The following NLGN4X variants were observed in gnomAD, a reference collection of about 807,000 sequenced individuals.
NLGN4X encodes neuroligin-4, X-linked.
NLGN4X carries 3 observed loss-of-function variants against 40.3 expected under a neutral mutation model. That is an observed-to-expected ratio of 0.07 (90% CI 0.03 to 0.19). NLGN4X has a LOEUF of 0.19. Ranked by LOEUF, NLGN4X falls within the 10% of genes least tolerant of loss-of-function variation. NLGN4X has a pLI of 1.00. For missense variants in NLGN4X, 382 were observed against 708.3 expected (o/e 0.54, Z 5.23); for synonymous variants, 270 against 306.8 (o/e 0.88, Z 1.25).
chrX:6,185,492 G>T (rs143474273), intron 1 of NLGN4X, among the ~76,000 whole-genome samples: 5 of 111,525 alleles, frequency 4.5e-5, no homozygotes, highest in African/African-American at 1.6e-4. Context: ...ACATGCCAGC[G>T]AAAGACAAAA....
chrX:5,909,538 T>C (rs749552820), intron 3 of NLGN4X, among the ~76,000 whole-genome samples: 1 of 110,492 alleles, frequency 9.1e-6, no homozygotes, highest in Admixed American at 9.7e-5. Flanking sequence ...GAAGACGTCG[T>C]AAATTTTACT....
intron 2 of NLGN4X, among the ~76,000 whole-genome samples, chrX:6,058,311 G>A (rs1472281936): frequency 1.8e-5 from 2 of 111,484 alleles, no homozygotes; most frequent in Admixed American, 9.6e-5. Context: ...CAAGTTTGAC[G>A]TTGTCAATGT....
intron 3 of NLGN4X, among the ~76,000 whole-genome samples, chrX:5,941,240 C>T (rs891096809): frequency 2.0e-4 from 18 of 90,203 alleles, no homozygotes; most frequent in South Asian, 5.4e-4. Flanking sequence ...TGTTGAAAGA[C>T]AGACTGCTTC....
chrX:5,952,282 T>C (rs959397910), intron 3 of NLGN4X, among the ~76,000 whole-genome samples: 1 of 111,597 alleles, frequency 9.0e-6, no homozygotes, highest in Non-Finnish European at 1.9e-5. Context: ...GCAGAGAAAG[T>C]GAAGGTCAGG....
At chrX:6,171,692 T>C (rs2040609112) in intron 1 of NLGN4X, among the ~76,000 whole-genome samples, 2 of 109,162 alleles carry the variant, frequency 1.8e-5, no homozygotes, top group Admixed American at 2.0e-4. Context: ...TTCTATCTTT[T>C]AACGTTCAGT....
At chrX:5,989,757 G>A (rs1254971456) in intron 3 of NLGN4X, among the ~76,000 whole-genome samples, 2 of 111,219 alleles carry the variant, frequency 1.8e-5, no homozygotes, top group Non-Finnish European at 3.8e-5. Flanking sequence ...CTTACCAGGG[G>A]CAGTGAGGGA....
In NLGN4X at chrX:6,038,365, ACTC is replaced by A. The variant is rs765987197; in HGVS notation, c.473-8936_473-8934del. Among the ~76,000 whole-genome samples, 19 of 112,080 alleles carry A rather than the reference ACTC, an allele frequency of 1.7e-4. 1 individual carries two copies. The highest frequency in any genetic ancestry group is 1.5e-3 in the Admixed American group (16 of 10,605). On this transcript the variant is annotated intron_variant, in intron 2 of 5. Coordinates refer to ENST00000381095, the MANE Select transcript of NLGN4X (RefSeq NM_181332.3). Reference sequence around the variant, plus strand: ...GAAGAACAGGTACACAACCTGGACAACTCCTCTTTCCTCCATACACCTGGAGAA... The same window carrying A: ...GAAGAACAGGTACACAACCTGGACAACTCTTTCCTCCATACACCTGGAGAA...
intron 3 of NLGN4X, among the ~76,000 whole-genome samples, chrX:5,926,394 A>C (rs1368628218): frequency 9.0e-6 from 1 of 110,954 alleles, no homozygotes; most frequent in Non-Finnish European, 1.9e-5. Context: ...AATGATTTTC[A>C]GATAGTATTG....
rs113592307 is a variant in NLGN4X, at chrX:5,954,773, T to G, written c.626-45534A>C. Among the ~76,000 whole-genome samples the G allele has an allele frequency of 8.4e-3, 932 of 110,815 alleles. 9 individuals carry two copies. The highest frequency in any genetic ancestry group is 0.029 in the African/African-American group (897 of 30,415). ...ACTTCCAGGGTCCTTGGGGGTAATT[T>G]ATACTCTCCCACTCCCCACTCTTTT... is the stretch of plus-strand genomic sequence containing the variant. On this transcript the variant is annotated intron_variant, in intron 3 of 5. Transcript: ENST00000381095.
chrX:6,056,449 C>T (rs887543549), intron 2 of NLGN4X, among the ~76,000 whole-genome samples: 3 of 107,858 alleles, frequency 2.8e-5, no homozygotes, highest in Non-Finnish European at 5.8e-5. Flanking sequence ...GCACTCCAGC[C>T]AGGGTGATAG....
intron 2 of NLGN4X, among the ~76,000 whole-genome samples, chrX:6,070,974 T>C (rs1000551198): frequency 9.0e-6 from 1 of 111,413 alleles, no homozygotes; most frequent in African/African-American, 3.3e-5. Context: ...CAATTCAAGA[T>C]GATATTCAAG....
At chrX:5,949,298 C>A (rs927909044) in intron 3 of NLGN4X, among the ~76,000 whole-genome samples, 1 of 112,033 alleles carries the variant, frequency 8.9e-6, no homozygotes, top group Admixed American at 9.5e-5. Flanking sequence ...GAAGAGCACA[C>A]TACACTAAAA....
intron 1 of NLGN4X, among the ~76,000 whole-genome samples, chrX:6,210,038 G>A (rs1339719369): frequency 2.7e-5 from 3 of 110,762 alleles, no homozygotes; most frequent in Non-Finnish European, 5.7e-5. Flanking sequence ...TTTTTCTGTA[G>A]AAACGCGGTC....
chrX:5,926,534 C>T (rs914335182), intron 3 of NLGN4X, among the ~76,000 whole-genome samples: 2 of 109,794 alleles, frequency 1.8e-5, no homozygotes, highest in Admixed American at 9.9e-5. Context: ...CAGGAAAATG[C>T]GATCGTGGCC....
At chrX:6,037,809 GTGAT>G (rs199823900) in intron 2 of NLGN4X, among the ~76,000 whole-genome samples, 1,325 of 111,243 alleles carry the variant, frequency 0.012, 21 homozygotes, top group African/African-American at 0.04. Context: ...AGATGTGGAT[GTGAT>G]TGATTATTTT....
intron 2 of NLGN4X, among the ~76,000 whole-genome samples, chrX:6,140,023 G>A (rs765087998): frequency 2.1e-4 from 23 of 111,498 alleles, no homozygotes; most frequent in African/African-American, 7.5e-4. Context: ...GTGAATATTA[G>A]ATGTTCCCTT....
chrX:5,937,466 C>T (rs2033770301), intron 3 of NLGN4X, among the ~76,000 whole-genome samples: 1 of 111,747 alleles, frequency 8.9e-6, no homozygotes, highest in African/African-American at 3.3e-5. Flanking sequence ...ACCATATTAA[C>T]CTGAGTCATC....
intron 1 of NLGN4X, among the ~76,000 whole-genome samples, chrX:6,216,190 T>A (rs1925076046): frequency 1.8e-5 from 2 of 111,502 alleles, no homozygotes; most frequent in South Asian, 7.6e-4. Context: ...GAAGAGAGAA[T>A]TTTTTTCCTG....
At chrX:6,178,106 T>C (rs1338324250) in intron 1 of NLGN4X, among the ~76,000 whole-genome samples, 1 of 111,589 alleles carries the variant, frequency 9.0e-6, no homozygotes, top group Non-Finnish European at 1.9e-5. Flanking sequence ...TATTTCCTTA[T>C]AGTAGCCCAA....
Sources: allele counts gnomAD v4.1 joint callset (sites outside exome capture counted in the v4.1 genomes callset), GRCh38; gene constraint gnomAD v4.1.1; transcripts MANE v1.5; gene names NCBI Gene and HGNC (gene_info 2026-07-23, HGNC 2026-07-21).